The following CACNA1S variants were observed in gnomAD, a reference collection of about 807,000 sequenced individuals.
CACNA1S encodes voltage-dependent L-type calcium channel subunit alpha-1S.
A neutral mutation model predicts 207.4 loss-of-function variants in CACNA1S; 126 were observed. That is an observed-to-expected ratio of 0.61 (90% CI 0.53 to 0.70). The LOEUF (loss-of-function observed/expected upper bound fraction) is 0.70, where lower values mean the gene tolerates loss of function less well. CACNA1S is among the 30% of genes least tolerant of loss of function. CACNA1S has a pLI of 0.00. For missense variants in CACNA1S, 2,349 were observed against 2,422.8 expected, an observed-to-expected ratio of 0.97 and a Z score of 0.64; for synonymous variants, 960 against 932.7, an observed-to-expected ratio of 1.03 and a Z score of -0.53.
chr1:201,111,290 C>T (rs1013983487), intron 1 of CACNA1S, among the ~76,000 whole-genome samples: 1 of 152,148 alleles, frequency 6.6e-6, no homozygotes, highest in Non-Finnish European at 1.5e-5. Context: ...TTCTAGGGAA[C>T]AGCTGGTAGG....
At chr1:201,106,676 A>G (rs955485897) in intron 2 of CACNA1S, among the ~76,000 whole-genome samples, 26 of 152,178 alleles carry the variant, frequency 1.7e-4, no homozygotes, top group African/African-American at 5.8e-4. Context: ...GATTGCCACA[A>G]GCGCCTCCTC....
Position 201,066,174 on chromosome 1 carries a change from G to T in CACNA1S, c.2745+55C>A. On this transcript the variant is annotated intron_variant, in intron 21 of 43. Coordinates refer to ENST00000362061, the MANE Select transcript of CACNA1S (RefSeq NM_000069.3). The surrounding 1 kb of genome is among the most constrained non-coding windows in gnomAD (Gnocchi z 4.3). ...GGGCTGAGGTTTCTGGAGCGAGGAG[G>T]CCCCTGTAACCCCTCCCATTCCTCT... 6.6e-7 allele frequency: 1 copy of T among 1,517,074 alleles called. No individual in the cohort carries two copies. 94.0% of individuals were successfully genotyped at this position (1,517,074 alleles called of 1,614,324 possible). A position where few individuals can be genotyped will look rare whatever the true frequency, so the allele number is the denominator to read the frequency against.
chr1:201,063,541 G>A (rs910683735), intron 22 of CACNA1S, among the ~76,000 whole-genome samples: 2 of 152,182 alleles, frequency 1.3e-5, no homozygotes, highest in African/African-American at 2.4e-5. Flanking sequence ...CGCCCGCCTC[G>A]GCTTCCCAAA....
At chr1:201,071,441 G>A (rs373343277) in intron 16 of CACNA1S, among the ~76,000 whole-genome samples, 1 of 152,114 alleles carries the variant, frequency 6.6e-6, no homozygotes, top group South Asian at 2.1e-4. Flanking sequence ...TTAATTCTTC[G>A]AGTTAGCATA....
chr1:201,042,462 T>G (rs1432794973), intron 40 of CACNA1S, among the ~76,000 whole-genome samples: 2 of 152,204 alleles, frequency 1.3e-5, no homozygotes, highest in Non-Finnish European at 1.5e-5. Context: ...GTCCCAATCA[T>G]ATCACATAAC....
chr1:201,053,124 G>T lies in CACNA1S; in HGVS notation c.3861+85C>A. ...GGAGGGCGGAGGGTCCAGCCCGTGT[G>T]CTGCTCAGGCTCCTCAGGGTCCACT... On this transcript the variant is annotated intron_variant, in intron 31 of 43. Coordinates refer to ENST00000362061, the MANE Select transcript of CACNA1S (RefSeq NM_000069.3). The surrounding 1 kb of genome is among the most constrained non-coding windows in gnomAD (Gnocchi z 5.1). 1 of 1,458,010 alleles carries T rather than the reference G, an allele frequency of 6.9e-7. No homozygotes were observed. The highest frequency in any genetic ancestry group is 9.6e-7 in the Non-Finnish European group (1 of 1,037,688). The allele number at this position is 1,458,010 out of a possible 1,614,324, so 90.3% of individuals were successfully genotyped here.
intron 4 of CACNA1S, 48 bp downstream of exon 4, chr1:201,091,924 A>G: frequency 6.2e-7 from 1 of 1,612,622 alleles, no homozygotes; most frequent in Non-Finnish European, 8.5e-7. Flanking sequence ...GGGACAAGGG[A>G]ACAGGAAGGG....
At chr1:201,057,795 C>G (rs982365360) in intron 28 of CACNA1S, among the ~76,000 whole-genome samples, 2 of 136,334 alleles carry the variant, frequency 1.5e-5, no homozygotes, top group Non-Finnish European at 3.1e-5. Context: ...GACTCCATCT[C>G]TATATTTCAA....
chr1:201,104,974 T>A (rs1662823023), intron 2 of CACNA1S, among the ~76,000 whole-genome samples: 1 of 152,240 alleles, frequency 6.6e-6, no homozygotes. Flanking sequence ...GCATTCAGTG[T>A]GATAACACAT....
Position 201,062,041 on chromosome 1 carries a change from G to C in CACNA1S, c.2956C>G (p.Arg986Gly), listed in dbSNP as rs770099347. ...KDGDPMQIEL[R>G]HREWVHSDFH... ...TCGCTGTGTACCCACTCGCGGTGAC[G>C]CAGCTCTATCTGCATGGGGTCCCCG... is the stretch of plus-strand genomic sequence containing the variant. Residue 986 changes from arginine (R) to glycine (G), a missense_variant, in exon 24 of 44, where the codon CGT (arginine) becomes GGT (glycine). Arg to Gly is a moderately radical substitution (Grantham distance 125). Transcript: ENST00000362061. 3.1e-6 allele frequency: 5 copies of C among 1,614,120 alleles called. No individual in the cohort carries two copies. The highest frequency in any genetic ancestry group is 3.4e-6 in the Non-Finnish European group (4 of 1,179,972).
chr1:201,080,445 C>T lies in CACNA1S; in HGVS notation c.1394-2341G>A, dbSNP rs572262317. ...TTGGTCATTGACAGTGTTTTGACAACGATTGGCACATTCACGGTGCTCTCG... is the reference window on the plus strand; with the variant it reads ...TTGGTCATTGACAGTGTTTTGACAATGATTGGCACATTCACGGTGCTCTCG... On this transcript the variant is annotated intron_variant, in intron 10 of 43. Coordinates refer to ENST00000362061, the MANE Select transcript of CACNA1S (RefSeq NM_000069.3). Among the ~76,000 whole-genome samples, 9 of 152,216 alleles carry T rather than the reference C, an allele frequency of 5.9e-5. No homozygotes were observed. The South Asian group carries it at 6.3e-4, about 11-fold the overall frequency.
intron 32 of CACNA1S, among the ~76,000 whole-genome samples, chr1:201,051,859 G>A (rs947804650): frequency 6.6e-6 from 1 of 152,200 alleles, no homozygotes; most frequent in African/African-American, 2.4e-5. Flanking sequence ...CAGAGCTGGG[G>A]CGAGGTGGGA....
At chr1:201,065,183 G>C (rs570075164) in intron 22 of CACNA1S, among the ~76,000 whole-genome samples, 8 of 152,238 alleles carry the variant, frequency 5.3e-5, no homozygotes, top group Non-Finnish European at 1.0e-4. Context: ...ATCTGGACTT[G>C]CCACATATTA....
intron 5 of CACNA1S, among the ~76,000 whole-genome samples, chr1:201,091,173 G>T (rs1662214135): frequency 6.6e-6 from 1 of 152,150 alleles, no homozygotes; most frequent in Non-Finnish European, 1.5e-5. Flanking sequence ...TTCAATGTAG[G>T]TTATTTCTGG....
chr1:201,077,198 C>T (rs1445005954), intron 11 of CACNA1S, 71 bp from the exon 12 acceptor site: 1 of 1,343,528 alleles, frequency 7.4e-7, no homozygotes, highest in Non-Finnish European at 1.1e-6. Flanking sequence ...TGTGGACAGG[C>T]TTGGGGGAAA....
Position 201,070,690 on chromosome 1 carries a change from C to T in CACNA1S, c.2228-286G>A, listed in dbSNP as rs552017246. On this transcript the variant is annotated intron_variant, in intron 16 of 43. Transcript: ENST00000362061. ...TGGCTGCATGTTGTGTCTCAAGGCT[C>T]GATCCACACAGCCTCAAATATCCAT... Among the ~76,000 whole-genome samples, 8 of 132,906 alleles carry T rather than the reference C, an allele frequency of 6.0e-5. No homozygotes were observed. In the East Asian group the frequency reaches 1.6e-3, roughly 26 times the overall value. 87.2% of individuals were successfully genotyped at this position (132,906 alleles called of 152,430 possible). A position where few individuals can be genotyped will look rare whatever the true frequency, so the allele number is the denominator to read the frequency against.
At chr1:201,047,747 T>A in intron 36 of CACNA1S, 121 bp from the exon 37 acceptor site, 1 of 745,926 alleles carries the variant, frequency 1.3e-6, no homozygotes, top group Non-Finnish European at 2.4e-6. Context: ...GGCTGAGTTT[T>A]GTGGCAGCTG....
At chr1:201,050,207 G>A (rs571265502) in intron 34 of CACNA1S, among the ~76,000 whole-genome samples, 182 bp downstream of exon 34, 6 of 152,264 alleles carry the variant, frequency 3.9e-5, no homozygotes, top group South Asian at 4.1e-4. Flanking sequence ...TTTCCACCCC[G>A]GAAAGCTGTA....
chr1:201,074,088 C>T (rs139218320), intron 14 of CACNA1S, among the ~76,000 whole-genome samples: 1 of 152,316 alleles, frequency 6.6e-6, no homozygotes, highest in Non-Finnish European at 1.5e-5. Context: ...AGAACTCTGT[C>T]TAGAACCTAG....
Sources: allele counts gnomAD v4.1 joint callset (sites outside exome capture counted in the v4.1 genomes callset), GRCh38; gene constraint gnomAD v4.1.1; non-coding constraint Gnocchi (gnomAD v3.1); transcripts MANE v1.5; gene names NCBI Gene and HGNC (gene_info 2026-07-23, HGNC 2026-07-21).